Variants in DLL3 observed in about 807,000 individuals in gnomAD.
The protein encoded by DLL3 is delta-like protein 3.
A neutral mutation model predicts 55.0 loss-of-function variants in DLL3; 49 were observed. That is an observed-to-expected ratio of 0.89 (90% CI 0.71 to 1.13). The LOEUF (loss-of-function observed/expected upper bound fraction) is 1.13. Among genes scored for constraint, DLL3 ranks in the 50% most tolerant of loss-of-function variants. The probability of loss-of-function intolerance (pLI) is 0.00; values close to 1 mark genes in which losing one functional copy is unlikely to be tolerated. For synonymous variants in DLL3, 421 were observed against 385.2 expected (o/e 1.09, Z -1.09); for missense variants, 962 against 875.5 (o/e 1.10, Z -1.25).
rs781119337 is a variant in DLL3, at chr19:39,505,425, G to C, written c.1067G>C (p.Arg356Pro). Residue 356 changes from arginine to proline, a missense_variant, in exon 6 of 9, where the codon CGG (arginine) becomes CCG (proline). By Grantham distance (103) the Arg-to-Pro change is moderately radical (BLOSUM62 -2). Coordinates refer to ENST00000356433, the MANE Select transcript of DLL3 (RefSeq NM_203486.3). Reference protein sequence around the residue: ...QGSNCEKRVDRCSLQPCRNGG... With the variant: ...QGSNCEKRVDPCSLQPCRNGG... ...TCCAACTGTGAGAAGAGGGTGGACC[G>C]GTGCAGCCTGCAGCCATGCCGCAAT... 2.5e-6 allele frequency: 4 copies of C among 1,614,000 alleles called. No individual in the cohort carries two copies. Among genetic ancestry groups the C allele is most frequent in the Non-Finnish European group, 3.4e-6 (4 of 1,180,016 alleles).
Position 39,508,424 on chromosome 19 carries a change from C to T in DLL3, c.*167C>T, listed in dbSNP as rs778133456. On this transcript the variant is annotated 3_prime_UTR_variant, in exon 9 of 9. Coordinates refer to ENST00000356433, the MANE Select transcript of DLL3 (RefSeq NM_203486.3). ...TGGTTATTTATATCCTATTTTTTCT[C>T]ACCCCATCTCTCTAGAAACACCTAT... 10 of 756,772 alleles carry T rather than the reference C, an allele frequency of 1.3e-5. No homozygotes were observed. The highest frequency in any genetic ancestry group is 2.2e-5 in the Non-Finnish European group (10 of 446,920). 46.9% of individuals were successfully genotyped at this position (756,772 alleles called of 1,614,324 possible).
chr19:39,503,047 T>C lies in DLL3; in HGVS notation c.642T>C (p.Cys214=). ...LRPCAPLEDE[C]EAPLVCRAGC... ...CCTGCGCACCGCTCGAGGACGAATG[T>C]GAGGCGCCGCGTGAGTCCTGCGTTC... Residue 214 remains cysteine, a synonymous_variant, in exon 4 of 9, where the codon TGT becomes TGC. Transcript: ENST00000356433. 3.3e-6 allele frequency: 5 copies of C among 1,522,542 alleles called. No homozygotes were observed. The highest frequency in any genetic ancestry group is 4.4e-6 in the Non-Finnish European group (5 of 1,141,726). 94.3% of individuals were successfully genotyped at this position (1,522,542 alleles called of 1,614,324 possible).
rs1220802762 is a variant in DLL3, at chr19:39,502,884, G to T, written c.479G>T (p.Arg160Leu). The T allele has an allele frequency of 6.9e-7, 1 of 1,440,118 alleles. No individual in the cohort carries two copies. Among genetic ancestry groups the T allele is most frequent in the Admixed American group, 2.8e-5 (1 of 36,358 alleles). 89.2% of individuals were successfully genotyped at this position (1,440,118 alleles called of 1,614,324 possible). Residue 160 changes from arginine to leucine, a missense_variant, in exon 4 of 9, where the codon CGG (arginine) becomes CTG (leucine). By Grantham distance (102) the Arg-to-Leu change is moderately radical. Coordinates refer to ENST00000356433, the MANE Select transcript of DLL3 (RefSeq NM_203486.3). The stretch of plus-strand genomic sequence containing the variant: ...TTGGCAGCCGGAGGCCCGTGGGCCC[G>T]GGACATTCAGCGCGCAGGCGCCTGG... Reference protein sequence around the residue: ...RRLAAGGPWARDIQRAGAWEL... With the variant: ...RRLAAGGPWALDIQRAGAWEL...
In DLL3 at chr19:39,506,832, G is replaced by A. The variant is rs3212276; in HGVS notation, c.1094-207G>A. On this transcript the variant is annotated intron_variant, in intron 6 of 8. Coordinates refer to ENST00000356433, the MANE Select transcript of DLL3 (RefSeq NM_203486.3). ...AAGGAAAAAGAGACAAGGGCACCGAGAGCCAAAGAGGTGGAGCTGAATTAA... is the reference window on the plus strand; with the variant it reads ...AAGGAAAAAGAGACAAGGGCACCGAAAGCCAAAGAGGTGGAGCTGAATTAA... Among the ~76,000 whole-genome samples the A allele has an allele frequency of 0.33, 50,290 of 152,062 alleles. 8,551 individuals carry two copies. Among genetic ancestry groups the A allele is most frequent in the Middle Eastern group, 0.43 (126 of 294 alleles).
At chr19:39,500,429 C>CG (rs892928353) in intron 2 of DLL3, among the ~76,000 whole-genome samples, 186 bp from the exon 3 acceptor site, 1 of 145,004 alleles carries the variant, frequency 6.9e-6, no homozygotes. Context: ...CTCCCCCCCC[C>CG]CCCAAAAAAA....
intron 2 of DLL3, 118 bp from the exon 3 acceptor site, chr19:39,500,497 G>A (rs2079603931): frequency 1.1e-6 from 1 of 904,214 alleles, no homozygotes; most frequent in Non-Finnish European, 1.8e-6. Context: ...ATTGTCCCTT[G>A]CTTGCTCAGT....
intron 6 of DLL3, among the ~76,000 whole-genome samples, chr19:39,506,027 A>C (rs995498614): frequency 6.6e-6 from 1 of 152,044 alleles, no homozygotes; most frequent in Non-Finnish European, 1.5e-5. Context: ...CCCGGGCCAC[A>C]TGGTGAAACC....
At chr19:39,504,364 T>C in intron 5 of DLL3, 76 bp downstream of exon 5, 1 of 1,494,810 alleles carries the variant, frequency 6.7e-7, no homozygotes, top group Admixed American at 1.7e-5. Context: ...TGGGGCTCCA[T>C]GAGACACCAG....
Position 39,507,160 on chromosome 19 carries a change from G to A in DLL3, c.1215G>A (p.Thr405=). 4.2e-6 allele frequency: 6 copies of A among 1,434,648 alleles called. No individual in the cohort carries two copies. The highest frequency in any genetic ancestry group is 1.8e-6 in the Non-Finnish European group (2 of 1,102,994). 88.9% of individuals were successfully genotyped at this position (1,434,648 alleles called of 1,614,324 possible). The part of the protein sequence containing the change: ...CAGRACANGG[T]CVEGGGAHRC... ...GCCGCGCCTGCGCTAACGGCGGCAC[G>A]TGTGTGGAGGGCGGCGGCGCGCACC... The change falls in exon 7 of 9, where the codon ACG becomes ACA. Residue 405 remains threonine (T), a synonymous_variant. Coordinates refer to ENST00000356433, the MANE Select transcript of DLL3 (RefSeq NM_203486.3).
At chr19:39,500,762 A>G in intron 3 of DLL3, 90 bp downstream of exon 3, 2 of 1,155,128 alleles carry the variant, frequency 1.7e-6, no homozygotes, top group South Asian at 1.2e-5. Flanking sequence ...TTATGATGTC[A>G]TCACAGCTCC....
In DLL3 at chr19:39,501,057, T is replaced by C. The variant is rs2079607129; in HGVS notation, c.409+385T>C. On this transcript the variant is annotated intron_variant, in intron 3 of 8. Transcript: ENST00000356433. The stretch of plus-strand genomic sequence containing the variant: ...CTCTGTCGTCCAGGCTGGAGTGCAA[T>C]GGCATGATCTCAGCTCACTGCAACC... Among the ~76,000 whole-genome samples the C allele has an allele frequency of 2.0e-5, 3 of 151,896 alleles. No homozygotes were observed. The South Asian group carries it at 6.3e-4, about 32-fold the overall frequency.
At chr19:39,505,473 G>A (rs745604453) in intron 6 of DLL3, 22 bp downstream of exon 6, 11 of 1,612,624 alleles carry the variant, frequency 6.8e-6, no homozygotes, top group Non-Finnish European at 4.2e-6. Flanking sequence ...AGGCCTGAAC[G>A]GCGAGGGATG....
In DLL3 at chr19:39,502,879, G is replaced by A; in HGVS notation, c.474G>A (p.Trp158Ter). The A allele has an allele frequency of 7.0e-7, 1 of 1,428,108 alleles. No individual in the cohort carries two copies. Among genetic ancestry groups the A allele is most frequent in the Non-Finnish European group, 9.1e-7 (1 of 1,096,274 alleles). 88.5% of individuals were successfully genotyped at this position (1,428,108 alleles called of 1,614,324 possible). The change falls in exon 4 of 9, where the codon TGG becomes TGA. Residue 158 changes from tryptophan (W) to a stop codon, truncating the protein, a stop_gained. Coordinates refer to ENST00000356433, the MANE Select transcript of DLL3 (RefSeq NM_203486.3). LOFTEE classifies it high-confidence loss of function. Reference protein sequence around the residue: ...GRRRLAAGGPWARDIQRAGAW... With the variant: ...GRRRLAAGGP ...GGCGCTTGGCAGCCGGAGGCCCGTG[G>A]GCCCGGGACATTCAGCGCGCAGGCG...
In DLL3 at chr19:39,500,620, C is replaced by T; in HGVS notation, c.357C>T (p.Thr119=). ...QVPFRDAWPG[T]FSFIIETWRE... ...CCCTTCCTTCACCCAACCAGGGCAC[C>T]TTCTCTTTCATCATCGAAACCTGGA... Residue 119 remains threonine, a synonymous_variant, in exon 3 of 9, where the codon ACC becomes ACT. Coordinates refer to ENST00000356433, the MANE Select transcript of DLL3 (RefSeq NM_203486.3). The T allele has an allele frequency of 2.5e-6, 4 of 1,613,626 alleles. No individual in the cohort carries two copies. The highest frequency in any genetic ancestry group is 2.2e-5 in the East Asian group (1 of 44,864).
chr19:39,503,205 C>T, intron 4 of DLL3, 148 bp downstream of exon 4: 1 of 860,628 alleles, frequency 1.2e-6, no homozygotes, highest in Non-Finnish European at 1.6e-6. Flanking sequence ...AGGCACCCCT[C>T]TTCAGGGAGC....
intron 2 of DLL3, 81 bp from the exon 3 acceptor site, chr19:39,500,534 T>C: frequency 7.7e-7 from 1 of 1,294,468 alleles, no homozygotes; most frequent in Non-Finnish European, 1.1e-6. Context: ...CACCCTCCAT[T>C]CCTGAACTCT....
chr19:39,507,158 ACGTGTGTGGAGGGCGGCGGCG>A lies in DLL3; in HGVS notation c.1216_1236del (p.Cys406_Ala412del). Reference sequence around the variant, plus strand: ...GGGCCGCGCCTGCGCTAACGGCGGCACGTGTGTGGAGGGCGGCGGCGCGCACCGCTGCTCCTGCGCGCTGGG... The same window carrying A: ...GGGCCGCGCCTGCGCTAACGGCGGCACGCACCGCTGCTCCTGCGCGCTGGG... On this transcript the variant is annotated inframe_deletion, in exon 7 of 9. Transcript: ENST00000356433. 1 of 1,464,590 alleles carries A rather than the reference ACGTGTGTGGAGGGCGGCGGCG, an allele frequency of 6.8e-7. No homozygotes were observed. 90.7% of individuals were successfully genotyped at this position (1,464,590 alleles called of 1,614,324 possible). A position where few individuals can be genotyped will look rare whatever the true frequency, so the allele number is the denominator to read the frequency against.
Position 39,504,131 on chromosome 19 carries a change from G to A in DLL3, c.713G>A (p.Arg238Gln), listed in dbSNP as rs373253569. The part of the protein sequence containing the change: ...HGFCEQPGEC[R>Q]CLEGWTGPLC... ...TTCTGTGAACAGCCCGGTGAATGCCGATGCCTAGAGGGCTGGACTGGACCC... is the reference window on the plus strand; with the variant it reads ...TTCTGTGAACAGCCCGGTGAATGCCAATGCCTAGAGGGCTGGACTGGACCC... Residue 238 changes from arginine (R) to glutamine (Q), a missense_variant, in exon 5 of 9, where the codon CGA becomes CAA. Transcript: ENST00000356433. The A allele has an allele frequency of 1.9e-5, 30 of 1,612,800 alleles. No individual in the cohort carries two copies. The highest frequency in any genetic ancestry group is 1.6e-4 in the Middle Eastern group (1 of 6,084).
chr19:39,499,694 G>T (rs937702066), intron 2 of DLL3, among the ~76,000 whole-genome samples: 3 of 152,136 alleles, frequency 2.0e-5, no homozygotes, highest in African/African-American at 7.2e-5. Flanking sequence ...AACCCTGGAT[G>T]CTGGGACCCC....
Sources: allele counts gnomAD v4.1 joint callset (sites outside exome capture counted in the v4.1 genomes callset), GRCh38; gene constraint gnomAD v4.1.1; transcripts MANE v1.5; gene names NCBI Gene and HGNC (gene_info 2026-07-23, HGNC 2026-07-21).